Variants in NAV2 observed in about 807,000 individuals in gnomAD.
NAV2 encodes helicase, APC down-regulated 1.
In NAV2, 54 loss-of-function variants were observed where a neutral mutation model predicts 223.2. The ratio of observed to expected loss-of-function variants is 0.24; its 90% CI spans 0.19 to 0.30. NAV2 has a LOEUF of 0.30. Ranked by LOEUF, NAV2 falls within the 10% of genes least tolerant of loss-of-function variation. NAV2 has a pLI of 1.00. For synonymous variants in NAV2, 1,279 were observed against 1,239.3 expected, an observed-to-expected ratio of 1.03 and a Z score of -0.67; for missense variants, 2,806 against 3,147.5, an observed-to-expected ratio of 0.89 and a Z score of 2.60.
intron 1 of NAV2, among the ~76,000 whole-genome samples, chr11:19,539,098 G>T (rs2044269196): frequency 6.6e-6 from 1 of 152,158 alleles, no homozygotes; most frequent in South Asian, 2.1e-4. Flanking sequence ...AACTGTAAAT[G>T]GTTCTGTGAT....
At chr11:19,357,404 C>A (rs1853681336) in intron 1 of NAV2, among the ~76,000 whole-genome samples, 1 of 152,176 alleles carries the variant, frequency 6.6e-6, no homozygotes, top group Admixed American at 6.5e-5. Flanking sequence ...CCTTTCTAGC[C>A]TCTCCATTTT....
chr11:19,545,601 T>C (rs11025179), intron 1 of NAV2, among the ~76,000 whole-genome samples: 46,281 of 152,078 alleles, frequency 0.3, 10,190 homozygotes, highest in African/African-American at 0.63. Context: ...TAGTGCATTT[T>C]ATTTCCTAGA....
intron 1 of NAV2, among the ~76,000 whole-genome samples, chr11:19,782,854 C>T (rs994624312): frequency 6.6e-5 from 10 of 152,162 alleles, no homozygotes; most frequent in Non-Finnish European, 1.2e-4. Context: ...ATTGTTTAAA[C>T]AGGGTAACAA....
At position 20,037,214 on chromosome 11, in the gene NAV2, C is replaced by T. The variant is rs768301938; in HGVS notation, c.2907+1117C>T. On this transcript the variant is annotated intron_variant, in intron 12 of 37. Coordinates refer to ENST00000349880, the MANE Select transcript of NAV2 (RefSeq NM_145117.5). ...GAAATCTGTTTGGGACAAAGTCTCTCAGAGCAACCTTGCGGGGAGGCAGAA... is the reference window on the plus strand; with the variant it reads ...GAAATCTGTTTGGGACAAAGTCTCTTAGAGCAACCTTGCGGGGAGGCAGAA... 2.0e-5 allele frequency among the ~76,000 whole-genome samples: 3 copies of T among 152,198 alleles called. No homozygotes were observed. The East Asian group carries it at 5.8e-4, about 29-fold the overall frequency.
At chr11:19,748,539 G>T (rs1315116060) in intron 1 of NAV2, among the ~76,000 whole-genome samples, 2 of 152,180 alleles carry the variant, frequency 1.3e-5, no homozygotes, top group Non-Finnish European at 2.9e-5. Context: ...AAACTCCTCA[G>T]GGACAAGGGC....
chr11:19,966,465 C>T (rs974274262), intron 10 of NAV2, among the ~76,000 whole-genome samples: 1 of 152,048 alleles, frequency 6.6e-6, no homozygotes, highest in Non-Finnish European at 1.5e-5. Context: ...GATCAACTTG[C>T]CTAGCCTCAT....
In NAV2 at chr11:20,115,097, A is replaced by G. The variant is rs533211774; in HGVS notation, c.7164+302A>G. Reference sequence around the variant, plus strand: ...ACTTTGCCCTCTGATTTGGGATGCCACCTCTATTACCTACTATCCTATTAC... The same window carrying G: ...ACTTTGCCCTCTGATTTGGGATGCCGCCTCTATTACCTACTATCCTATTAC... On this transcript the variant is annotated intron_variant, in intron 37 of 37. Transcript: ENST00000349880. Among the ~76,000 whole-genome samples, 5 of 152,130 alleles carry G rather than the reference A, an allele frequency of 3.3e-5. No homozygotes were observed. The South Asian group carries it at 1.0e-3, about 32-fold the overall frequency.
chr11:20,007,269 T>A (rs917367174), intron 11 of NAV2, among the ~76,000 whole-genome samples: 2 of 151,940 alleles, frequency 1.3e-5, no homozygotes, highest in Non-Finnish European at 1.5e-5. Context: ...AAGGGCTTTA[T>A]TGGTGTAGTA....
At chr11:19,364,362 C>G (rs1240151948) in intron 1 of NAV2, among the ~76,000 whole-genome samples, 1 of 152,160 alleles carries the variant, frequency 6.6e-6, no homozygotes, top group Non-Finnish European at 1.5e-5. Flanking sequence ...ATCTGCTCTG[C>G]CATTGCTACC....
chr11:19,939,836 T>G, intron 8 of NAV2, 63 bp downstream of exon 8: 1 of 1,170,828 alleles, frequency 8.5e-7, no homozygotes, highest in Non-Finnish European at 1.3e-6. Flanking sequence ...CAATACCTGC[T>G]GGAACAGCAT....
intron 1 of NAV2, among the ~76,000 whole-genome samples, chr11:19,363,707 C>G (rs1353039735): frequency 6.6e-6 from 1 of 152,130 alleles, no homozygotes; most frequent in African/African-American, 2.4e-5. Flanking sequence ...CAAGACCGCC[C>G]CAATTTCAGA....
intron 5 of NAV2, among the ~76,000 whole-genome samples, chr11:19,886,151 T>C (rs2040950773): frequency 2.6e-5 from 4 of 151,836 alleles, no homozygotes; most frequent in Admixed American, 2.0e-4. Flanking sequence ...CTAATTTTTT[T>C]TTTTTTTTTA....
intron 11 of NAV2, among the ~76,000 whole-genome samples, chr11:20,016,835 A>G (rs1367150299): frequency 6.0e-5 from 1 of 16,540 alleles, no homozygotes; most frequent in East Asian, 3.0e-3. Flanking sequence ...GTCTACTAAA[A>G]TACAAAAAAA....
intron 1 of NAV2, among the ~76,000 whole-genome samples, chr11:19,413,742 C>T (rs1564917702): frequency 6.6e-6 from 1 of 152,182 alleles, no homozygotes; most frequent in African/African-American, 2.4e-5. Context: ...AGAAACCCTA[C>T]AAGCCAGAAG....
intron 1 of NAV2, among the ~76,000 whole-genome samples, chr11:19,696,833 C>T (rs1273693106): frequency 7.9e-5 from 12 of 152,194 alleles, no homozygotes; most frequent in Non-Finnish European, 1.0e-4. Context: ...TCAGTGGTTC[C>T]TAACCCTGGG....
chr11:19,868,808 T>C, intron 3 of NAV2, 117 bp from the exon 4 acceptor site: 1 of 875,882 alleles, frequency 1.1e-6, no homozygotes, highest in Non-Finnish European at 1.8e-6. Flanking sequence ...TGTCCTATCT[T>C]GGCGTTCGTT....
chr11:20,048,276 A>G (rs1417500449), intron 14 of NAV2, among the ~76,000 whole-genome samples: 1 of 152,200 alleles, frequency 6.6e-6, no homozygotes, highest in Non-Finnish European at 1.5e-5. Flanking sequence ...CTCAGAGGTC[A>G]AGAAACCAAA....
intron 1 of NAV2, among the ~76,000 whole-genome samples, chr11:19,761,292 T>C (rs2054715310): frequency 6.6e-6 from 1 of 152,232 alleles, no homozygotes; most frequent in South Asian, 2.1e-4. Flanking sequence ...GCAAAATTTC[T>C]ATTCTATGGA....
At position 19,880,064 on chromosome 11, in the gene NAV2, C is replaced by T. The variant is rs145389783; in HGVS notation, c.707C>T (p.Pro236Leu). Residue 236 changes from proline (P) to leucine (L), a missense_variant, in exon 5 of 38, where the codon CCG (proline) becomes CTG (leucine). Around this residue, in one of 4 missense-constraint regions of NAV2, gnomAD observed 1,167 missense variants for 1,180.5 expected, o/e 0.99. Coordinates refer to ENST00000349880, the MANE Select transcript of NAV2 (RefSeq NM_145117.5). ...CAGGTGCCAGTCACTCCCCAAGCCC[C>T]GTGCCAGCCTCACCAGCCAGCGCCA... is the stretch of plus-strand genomic sequence containing the variant. ...QQQVPVTPQA[P>L]CQPHQPAPHQ... 31 of 1,612,716 alleles carry T rather than the reference C, an allele frequency of 1.9e-5. No homozygotes were observed. The highest frequency in any genetic ancestry group is 1.1e-4 in the African/African-American group (8 of 75,044).
Sources: allele counts gnomAD v4.1 joint callset (sites outside exome capture counted in the v4.1 genomes callset), GRCh38; gene constraint gnomAD v4.1.1; regional missense constraint gnomAD v4.1.1; transcripts MANE v1.5; gene names NCBI Gene and HGNC (gene_info 2026-07-23, HGNC 2026-07-21).